The following JAM3 variants were observed in gnomAD, a reference collection of about 807,000 sequenced individuals.
JAM3 encodes junctional adhesion molecule C.
JAM3 carries 31 observed loss-of-function variants against 39.4 expected under a neutral mutation model. The ratio of observed to expected loss-of-function variants is 0.79; its 90% CI spans 0.59 to 1.06. The LOEUF (loss-of-function observed/expected upper bound fraction) is 1.06. Among genes scored for constraint, JAM3 ranks in the 50% least tolerant of loss-of-function variants. JAM3 has a pLI of 0.00. For missense variants in JAM3, 455 were observed against 391.4 expected, an observed-to-expected ratio of 1.16 and a Z score of -1.37; for synonymous variants, 182 against 148.7, an observed-to-expected ratio of 1.22 and a Z score of -1.63.
chr11:134,103,656 G>A (rs1942122117), intron 1 of JAM3, among the ~76,000 whole-genome samples: 1 of 152,082 alleles, frequency 6.6e-6, no homozygotes, highest in African/African-American at 2.4e-5. Flanking sequence ...TAAAATAAAG[G>A]GATGGAGAAA....
intron 1 of JAM3, 35 bp from the exon 2 acceptor site, chr11:134,139,816 C>T: frequency 6.4e-7 from 1 of 1,560,480 alleles, no homozygotes; most frequent in Non-Finnish European, 8.8e-7. Context: ...GTTTGAGATA[C>T]ATTGTCTCTG....
At chr11:134,070,254 C>G (rs1166086999) in intron 1 of JAM3, 1 of 455,970 alleles carries the variant, frequency 2.2e-6, no homozygotes, top group Non-Finnish European at 4.4e-6. Flanking sequence ...GGACACCACA[C>G]TCTTCCCCTG....
At chr11:134,086,699 C>A (rs947908048) in intron 1 of JAM3, among the ~76,000 whole-genome samples, 1 of 152,072 alleles carries the variant, frequency 6.6e-6, no homozygotes, top group South Asian at 2.1e-4. Flanking sequence ...TGAATGAGTT[C>A]AGGACAAGAA....
At chr11:134,140,574 T>C in intron 2 of JAM3, 83 bp from the exon 3 acceptor site, 2 of 1,127,320 alleles carry the variant, frequency 1.8e-6, no homozygotes, top group Non-Finnish European at 2.7e-6. Flanking sequence ...GCCTCTTGAA[T>C]TAGAGCTTGC....
At chr11:134,134,769 T>A (rs1352530027) in intron 1 of JAM3, among the ~76,000 whole-genome samples, 4 of 152,188 alleles carry the variant, frequency 2.6e-5, no homozygotes, top group African/African-American at 4.8e-5. Flanking sequence ...GCTAGTGATG[T>A]TGAGCAACTT....
intron 1 of JAM3, chr11:134,070,113 T>C (rs1254336461): frequency 6.6e-6 from 3 of 455,862 alleles, no homozygotes; most frequent in Non-Finnish European, 1.3e-5. Flanking sequence ...TTTGGAGCCA[T>C]TATCTCGTTT....
At chr11:134,127,498 A>C (rs1942671883) in intron 1 of JAM3, among the ~76,000 whole-genome samples, 1 of 152,340 alleles carries the variant, frequency 6.6e-6, no homozygotes, top group Non-Finnish European at 1.5e-5. Context: ...AAGGAGTTTG[A>C]GACCAGCCTG....
At chr11:134,091,358 G>A (rs975643921) in intron 1 of JAM3, among the ~76,000 whole-genome samples, 6 of 152,060 alleles carry the variant, frequency 3.9e-5, no homozygotes, top group African/African-American at 1.2e-4. Flanking sequence ...AGCCAGGTGT[G>A]GTGGCACGCG....
intron 1 of JAM3, among the ~76,000 whole-genome samples, chr11:134,123,411 A>T (rs1174937706): frequency 1.3e-5 from 2 of 152,068 alleles, no homozygotes; most frequent in African/African-American, 2.4e-5. Context: ...AAAAGATCCC[A>T]CCACAGGGAG....
intron 5 of JAM3, chr11:134,145,222 A>G (rs1468282807): frequency 3.4e-6 from 2 of 588,188 alleles, no homozygotes; most frequent in Admixed American, 2.9e-5. Context: ...TTGAGACCGA[A>G]GAGGGATATT....
chr11:134,090,174 T>C (rs1448580801), intron 1 of JAM3, among the ~76,000 whole-genome samples: 1 of 152,212 alleles, frequency 6.6e-6, no homozygotes, highest in Non-Finnish European at 1.5e-5. Context: ...TTTTCTTTTT[T>C]GTTGGAGTTC....
At chr11:134,095,221 G>A (rs1219951704) in intron 1 of JAM3, among the ~76,000 whole-genome samples, 2 of 152,212 alleles carry the variant, frequency 1.3e-5, no homozygotes, top group African/African-American at 4.8e-5. Flanking sequence ...GAATGGTGCA[G>A]TCTAAATGAA....
chr11:134,129,088 C>G (rs993957379), intron 1 of JAM3, among the ~76,000 whole-genome samples: 1 of 151,674 alleles, frequency 6.6e-6, no homozygotes, highest in Non-Finnish European at 1.5e-5. Context: ...TATCTTTCCC[C>G]TGTGCAGGCA....
chr11:134,094,129 T>C (rs575161807), intron 1 of JAM3, among the ~76,000 whole-genome samples: 1 of 145,542 alleles, frequency 6.9e-6, no homozygotes, highest in East Asian at 2.2e-4. Context: ...CCCTCCTTAT[T>C]CATCATGTTC....
chr11:134,076,512 A>G (rs572718784), intron 1 of JAM3, among the ~76,000 whole-genome samples: 1 of 152,116 alleles, frequency 6.6e-6, no homozygotes, highest in Admixed American at 6.5e-5. Context: ...TCCATATGTG[A>G]TATTTCAAAT....
chr11:134,151,616 CAA>C lies in JAM3; in HGVS notation c.*2436_*2437del, dbSNP rs1943239196. Reference sequence around the variant, plus strand: ...TGTATTTTAAGATATGAATGTGACTCAAGACTCGAGGCCGATACGAGGCTGTG... The same window carrying C: ...TGTATTTTAAGATATGAATGTGACTCGACTCGAGGCCGATACGAGGCTGTG... On this transcript the variant is annotated 3_prime_UTR_variant, in exon 9 of 9. Coordinates refer to ENST00000299106, the MANE Select transcript of JAM3 (RefSeq NM_032801.5). The C allele has an allele frequency of 6.6e-6, 1 of 152,168 alleles. No individual in the cohort carries two copies. Among genetic ancestry groups the C allele is most frequent in the Non-Finnish European group, 1.5e-5 (1 of 68,050 alleles). 9.4% of individuals were successfully genotyped at this position (152,168 alleles called of 1,614,324 possible). A position where few individuals can be genotyped will look rare whatever the true frequency, so the allele number is the denominator to read the frequency against.
intron 1 of JAM3, among the ~76,000 whole-genome samples, chr11:134,090,710 A>G (rs553883228): frequency 6.6e-6 from 1 of 152,326 alleles, no homozygotes; most frequent in East Asian, 1.9e-4. Flanking sequence ...CAGCCATGTA[A>G]CAAAGTTGTC....
In JAM3 at chr11:134,074,708, A is replaced by G. The variant is rs145580122; in HGVS notation, c.76+5549A>G. 6.0e-3 allele frequency among the ~76,000 whole-genome samples: 916 copies of G among 152,256 alleles called. 3 individuals are homozygous for G. Among genetic ancestry groups the G allele is most frequent in the Middle Eastern group, 0.017 (5 of 294 alleles). The stretch of plus-strand genomic sequence containing the variant: ...TTGTTCACCTGTTCAAAGCGAGCCA[A>G]AATTTATTGAGCACCTACTCTGTGG... On this transcript the variant is annotated intron_variant, in intron 1 of 8. Coordinates refer to ENST00000299106, the MANE Select transcript of JAM3 (RefSeq NM_032801.5).
At chr11:134,069,205 G>C (rs1384329460) in intron 1 of JAM3, 46 bp downstream of exon 1, 1 of 1,596,604 alleles carries the variant, frequency 6.3e-7, no homozygotes, top group Admixed American at 1.7e-5. Context: ...GTCTGGGGGC[G>C]ACGGAAGCAG....
Sources: allele counts gnomAD v4.1 joint callset (sites outside exome capture counted in the v4.1 genomes callset), GRCh38; gene constraint gnomAD v4.1.1; transcripts MANE v1.5; gene names NCBI Gene and HGNC (gene_info 2026-07-23, HGNC 2026-07-21).